The following CSMD1 variants were observed in gnomAD, a reference collection of about 807,000 sequenced individuals.
CSMD1 encodes the protein CUB and Sushi multiple domains 1.
Under a neutral mutation model 417.5 loss-of-function variants are expected in CSMD1, and 213 were observed. The ratio of observed to expected loss-of-function variants is 0.51; its 90% confidence interval spans 0.46 to 0.57. The LOEUF (loss-of-function observed/expected upper bound fraction) is 0.57. Among genes scored for constraint, CSMD1 ranks in the 20% least tolerant of loss-of-function variants. The probability of loss-of-function intolerance (pLI) is 0.00; values close to 1 mark genes in which losing one functional copy is unlikely to be tolerated. For missense variants in CSMD1, 6,923 were observed against 4,529.7 expected (o/e 1.53, Z -15.17); for synonymous variants, 2,862 against 1,736.8 (o/e 1.65, Z -16.11).
At chr8:3,913,549 A>C (rs1435912005) in intron 5 of CSMD1, among the ~76,000 whole-genome samples, 1 of 152,162 alleles carries the variant, frequency 6.6e-6, no homozygotes, top group Non-Finnish European at 1.5e-5. Context: ...TGCAAGTAAT[A>C]ATAAGGCAAC....
intron 25 of CSMD1, among the ~76,000 whole-genome samples, chr8:3,304,054 A>C (rs1804621323): frequency 6.6e-6 from 1 of 152,184 alleles, no homozygotes; most frequent in Non-Finnish European, 1.5e-5. Context: ...TAGCTCTGCA[A>C]TAATTGGCCT....
At chr8:3,307,969 T>C (rs1805014392) in intron 24 of CSMD1, 148 bp from the exon 25 acceptor site, 9 of 923,888 alleles carry the variant, frequency 9.7e-6, no homozygotes, top group Non-Finnish European at 1.4e-5. Flanking sequence ...ACCGTTTCAA[T>C]ATTTCTTCCA....
At chr8:3,148,868 C>G (rs1326614443) in intron 40 of CSMD1, among the ~76,000 whole-genome samples, 1 of 152,150 alleles carries the variant, frequency 6.6e-6, no homozygotes, top group East Asian at 1.9e-4. Context: ...CACAGGCAAA[C>G]CTGGTGCGTT....
intron 3 of CSMD1, among the ~76,000 whole-genome samples, chr8:4,384,265 G>A (rs949247785): frequency 2.0e-5 from 3 of 151,150 alleles, no homozygotes; most frequent in African/African-American, 7.3e-5. Flanking sequence ...TTTTGCCATT[G>A]CCAACATGGT....
chr8:3,333,540 T>C lies in CSMD1; in HGVS notation c.3631+9754A>G, dbSNP rs546838670. ...TACAAATGATATATAGATACTGCAA[T>C]TTACAAACTACACAGATACTGCAAT... On this transcript the variant is annotated intron_variant, in intron 23 of 69. Transcript: ENST00000635120. 1.5e-4 allele frequency among the ~76,000 whole-genome samples: 23 copies of C among 152,316 alleles called. 1 individual carries two copies. The South Asian group carries it at 4.8e-3, about 32-fold the overall frequency.
chr8:3,235,474 A>C (rs1044059431), intron 26 of CSMD1, among the ~76,000 whole-genome samples: 1 of 152,228 alleles, frequency 6.6e-6, no homozygotes, highest in Non-Finnish European at 1.5e-5. Flanking sequence ...GGATCTGGTC[A>C]AATGAGATTG....
intron 3 of CSMD1, among the ~76,000 whole-genome samples, chr8:4,263,956 A>G (rs1804061469): frequency 2.0e-5 from 3 of 152,212 alleles, no homozygotes; most frequent in African/African-American, 7.2e-5. Flanking sequence ...GCAATTTGTC[A>G]TAGCAGAAGA....
At chr8:4,442,210 G>A (rs1314310804) in intron 2 of CSMD1, among the ~76,000 whole-genome samples, 5 of 152,270 alleles carry the variant, frequency 3.3e-5, no homozygotes, top group East Asian at 1.9e-4. Context: ...CTTTATAGCA[G>A]ACATGATGTC....
intron 3 of CSMD1, among the ~76,000 whole-genome samples, chr8:4,095,118 T>C (rs1388351603): frequency 2.0e-5 from 3 of 152,108 alleles, no homozygotes; most frequent in Non-Finnish European, 4.4e-5. Flanking sequence ...GTGACGGATA[T>C]GGAAAGAACT....
chr8:4,667,575 A>G (rs1029917477), intron 1 of CSMD1, among the ~76,000 whole-genome samples: 1 of 152,102 alleles, frequency 6.6e-6, no homozygotes, highest in African/African-American at 2.4e-5. Context: ...AGATTTTTAT[A>G]TATTTTCTTG....
chr8:3,785,631 T>C (rs1231182801), intron 5 of CSMD1, among the ~76,000 whole-genome samples: 2 of 152,196 alleles, frequency 1.3e-5, no homozygotes, highest in East Asian at 1.9e-4. Context: ...CAAGTTACCA[T>C]CGAGTGTTTA....
At chr8:4,295,744 G>GTT (rs1797642180) in intron 3 of CSMD1, among the ~76,000 whole-genome samples, 1 of 9,180 alleles carries the variant, frequency 1.1e-4, no homozygotes, top group Non-Finnish European at 1.7e-4. Flanking sequence ...GTGTATATGT[G>GTT]TGTGTGTATA....
intron 8 of CSMD1, among the ~76,000 whole-genome samples, chr8:3,607,997 C>G (rs1043786031): frequency 6.6e-6 from 1 of 152,022 alleles, no homozygotes; most frequent in South Asian, 2.1e-4. Flanking sequence ...TGGGAAAACC[C>G]TGTCTCTACT....
At chr8:3,619,116 A>T (rs539518157) in intron 7 of CSMD1, among the ~76,000 whole-genome samples, 12 of 148,740 alleles carry the variant, frequency 8.1e-5, no homozygotes, top group African/African-American at 3.1e-4. Flanking sequence ...AATAGAACAC[A>T]TATCTAAGGT....
chr8:3,987,483 A>G (rs562038229), intron 5 of CSMD1, among the ~76,000 whole-genome samples: 6 of 152,332 alleles, frequency 3.9e-5, no homozygotes, highest in South Asian at 2.1e-4. Context: ...CTAGATGAGT[A>G]TCTTTAATCT....
chr8:4,839,718 G>C (rs1283022013), intron 1 of CSMD1, among the ~76,000 whole-genome samples: 3 of 152,068 alleles, frequency 2.0e-5, no homozygotes, highest in Admixed American at 1.3e-4. Flanking sequence ...GTACAATTTT[G>C]GTAATAACTA....
intron 3 of CSMD1, among the ~76,000 whole-genome samples, chr8:4,313,923 A>T (rs1006299607): frequency 1.3e-5 from 2 of 152,038 alleles, no homozygotes; most frequent in Non-Finnish European, 2.9e-5. Flanking sequence ...CTGAGTCAGG[A>T]GAGTCACTTG....
At chr8:3,497,322 C>G (rs1796408437) in intron 10 of CSMD1, among the ~76,000 whole-genome samples, 1 of 152,078 alleles carries the variant, frequency 6.6e-6, no homozygotes, top group Non-Finnish European at 1.5e-5. Flanking sequence ...TCTGGGGTCT[C>G]TGGTGTTGGG....
At chr8:3,147,335 C>A (rs762820596) in intron 40 of CSMD1, among the ~76,000 whole-genome samples, 13 of 152,108 alleles carry the variant, frequency 8.5e-5, no homozygotes, top group African/African-American at 3.1e-4. Flanking sequence ...CATTTTTACA[C>A]GAAAGCAACT....
Sources: gnomAD v4.1 joint callset for allele counts (sites outside exome capture counted in the v4.1 genomes callset) on GRCh38, gnomAD v4.1.1 for gene constraint, MANE v1.5 for transcripts, NCBI Gene and HGNC (gene_info 2026-07-23, HGNC 2026-07-21) for gene names.